Variants in CRYZL1 observed in about 807,000 individuals in gnomAD.
CRYZL1 encodes the protein crystallin zeta like 1.
CRYZL1 carries 34 observed loss-of-function variants against 50.6 expected under a neutral mutation model. The observed-to-expected ratio is 0.67, with a 90% CI of 0.51 to 0.89. CRYZL1 has a LOEUF of 0.89. CRYZL1 is among the 40% of genes least tolerant of loss of function. The probability of loss-of-function intolerance (pLI) is 0.00; values close to 1 mark genes in which losing one functional copy is unlikely to be tolerated. For synonymous variants in CRYZL1, 125 were observed against 134.3 expected (o/e 0.93, Z 0.48); for missense variants, 354 against 402.3 (o/e 0.88, Z 1.03).
At chr21:33,607,369 T>C (rs562708984) in intron 6 of CRYZL1, among the ~76,000 whole-genome samples, 5 of 152,310 alleles carry the variant, frequency 3.3e-5, no homozygotes, top group Admixed American at 3.3e-4. Flanking sequence ...GCTGGCATAG[T>C]GGCTCATACC....
At chr21:33,595,197 T>C (rs2086681862) in intron 11 of CRYZL1, 1 of 1,129,842 alleles carries the variant, frequency 8.9e-7, no homozygotes, top group Non-Finnish European at 1.1e-6. Context: ...ACCAGACTTA[T>C]CTCTGAATGA....
intron 7 of CRYZL1, 145 bp downstream of exon 7, chr21:33,603,256 GCTT>G (rs369321183): frequency 5.6e-5 from 48 of 862,786 alleles, no homozygotes; most frequent in Admixed American, 7.9e-5. Context: ...GATAAAAGCT[GCTT>G]ATTATAACAA....
intron 1 of CRYZL1, among the ~76,000 whole-genome samples, chr21:33,633,477 C>T (rs2087164817): frequency 6.6e-6 from 1 of 151,818 alleles, no homozygotes; most frequent in African/African-American, 2.4e-5. Context: ...CTGGAGGGCG[C>T]AGTCTCGGCT....
chr21:33,630,762 G>A (rs2087128417), intron 2 of CRYZL1, among the ~76,000 whole-genome samples: 1 of 152,104 alleles, frequency 6.6e-6, no homozygotes, highest in African/African-American at 2.4e-5. Context: ...ATCAACAAAT[G>A]AATGGGTAAA....
At chr21:33,621,464 C>G (rs2087000476) in intron 4 of CRYZL1, among the ~76,000 whole-genome samples, 1 of 151,898 alleles carries the variant, frequency 6.6e-6, no homozygotes, top group South Asian at 2.1e-4. Context: ...GCCTCAGCCT[C>G]CCGAGTAGCT....
At chr21:33,600,357 T>C (rs533527695) in intron 8 of CRYZL1, among the ~76,000 whole-genome samples, 77 of 152,320 alleles carry the variant, frequency 5.1e-4, no homozygotes, top group Non-Finnish European at 9.3e-4. Context: ...ATATAAATTA[T>C]TGACAGAATT....
chr21:33,638,270 C>T (rs555978684), intron 1 of CRYZL1, among the ~76,000 whole-genome samples: 2 of 146,476 alleles, frequency 1.4e-5, no homozygotes, highest in East Asian at 4.0e-4. Flanking sequence ...TGGAGTGCAG[C>T]TGCATAATCT....
chr21:33,595,472 C>A (rs536891992), intron 11 of CRYZL1: 1 of 1,353,418 alleles, frequency 7.4e-7, no homozygotes. Context: ...ATTCTTGCTC[C>A]GCCACTTGCT....
intron 11 of CRYZL1, 21 bp downstream of exon 11, chr21:33,595,710 A>G: frequency 1.2e-6 from 2 of 1,611,894 alleles, no homozygotes; most frequent in Non-Finnish European, 1.7e-6. Context: ...CAGAAACTCA[A>G]TCAGTCGATA....
intron 1 of CRYZL1, chr21:33,640,322 A>T: frequency 7.5e-7 from 1 of 1,336,414 alleles, no homozygotes; most frequent in Non-Finnish European, 1.0e-6. Flanking sequence ...AGAGGCATCG[A>T]TAAGGGAAAT....
At chr21:33,607,584 A>G (rs1450828291) in intron 6 of CRYZL1, among the ~76,000 whole-genome samples, 4 of 152,252 alleles carry the variant, frequency 2.6e-5, no homozygotes. Context: ...GTGAATTGTG[A>G]TAATTCCACT....
intron 12 of CRYZL1, 64 bp from the exon 13 acceptor site, chr21:33,589,985 T>C: frequency 1.1e-6 from 1 of 927,748 alleles, no homozygotes; most frequent in Non-Finnish European, 1.7e-6. Flanking sequence ...AACAGGGTGG[T>C]ATATGACAAA....
intron 11 of CRYZL1, chr21:33,595,398 C>A: frequency 7.5e-7 from 1 of 1,325,142 alleles, no homozygotes; most frequent in Non-Finnish European, 1.0e-6. Flanking sequence ...AGGTTAAAAA[C>A]AAAATCTTCC....
At chr21:33,621,882 TA>T in intron 4 of CRYZL1, 113 bp downstream of exon 4, 3 of 630,622 alleles carry the variant, frequency 4.8e-6, no homozygotes, top group Non-Finnish European at 8.1e-6. Flanking sequence ...TTCATATAAT[TA>T]AATTTAAATT....
At chr21:33,600,620 C>A (rs1410441326) in intron 8 of CRYZL1, among the ~76,000 whole-genome samples, 1 of 150,888 alleles carries the variant, frequency 6.6e-6, no homozygotes, top group Non-Finnish European at 1.5e-5. Flanking sequence ...TTTTTTAATA[C>A]CATTCATGCT....
chr21:33,598,139 C>G (rs2086714682), intron 9 of CRYZL1, among the ~76,000 whole-genome samples: 2 of 152,124 alleles, frequency 1.3e-5, no homozygotes, highest in South Asian at 4.1e-4. Flanking sequence ...ATAACCAAAT[C>G]TGACAATTAA....
intron 5 of CRYZL1, chr21:33,616,196 G>C (rs1188177989): frequency 1.3e-5 from 2 of 152,228 alleles, no homozygotes; most frequent in African/African-American, 2.4e-5. Flanking sequence ...TTTTGTTCTT[G>C]TGAGTTTTAA....
At chr21:33,605,102 A>C (rs1177031438) in intron 6 of CRYZL1, among the ~76,000 whole-genome samples, 1 of 152,172 alleles carries the variant, frequency 6.6e-6, no homozygotes, top group Non-Finnish European at 1.5e-5. Flanking sequence ...TTCCATGTTC[A>C]CTGGCCATCT....
At position 33,605,609 on chromosome 21, in the gene CRYZL1, C is replaced by G. The variant is rs555002899; in HGVS notation, c.332-2072G>C. 7.4e-3 allele frequency among the ~76,000 whole-genome samples: 972 copies of G among 132,204 alleles called. 8 individuals are homozygous for G. The highest frequency in any genetic ancestry group is 0.011 in the Non-Finnish European group (695 of 65,340). The allele number at this position is 132,204 out of a possible 152,430, so 86.7% of individuals were successfully genotyped here. ...TGATCTTGGCTCACTGCACCCTCCC[C>G]CTCCTGGGTTCAAGCAATTCTCCTG... On this transcript the variant is annotated intron_variant, in intron 6 of 12. Coordinates refer to ENST00000381554, the MANE Select transcript of CRYZL1 (RefSeq NM_145858.3).
Sources: allele counts gnomAD v4.1 joint callset (sites outside exome capture counted in the v4.1 genomes callset), GRCh38; gene constraint gnomAD v4.1.1; transcripts MANE v1.5; gene names NCBI Gene and HGNC (gene_info 2026-07-23, HGNC 2026-07-21).